The following PHF14 variants were observed in gnomAD, a reference collection of about 807,000 sequenced individuals.
PHF14 encodes the protein PHD finger protein 14.
Under a neutral mutation model 117.9 loss-of-function variants are expected in PHF14, and 55 were observed. The observed-to-expected ratio is 0.47, with a 90% confidence interval of 0.38 to 0.58. The LOEUF is 0.58. PHF14 is among the 20% of genes least tolerant of loss of function. PHF14 has a pLI of 0.00. For missense variants in PHF14, 978 were observed against 1,122.2 expected (o/e 0.87, Z 1.84); for synonymous variants, 409 against 368.6 (o/e 1.11, Z -1.26).
intron 7 of PHF14, among the ~76,000 whole-genome samples, chr7:11,035,431 C>A (rs17163915): frequency 0.026 from 4,004 of 151,908 alleles, 142 homozygotes; most frequent in East Asian, 0.1. Context: ...TAAAGAAAAA[C>A]GTTGTTGGTA....
chr7:11,136,878 TAAA>T (rs934723183), intron 17 of PHF14, among the ~76,000 whole-genome samples: 1 of 152,036 alleles, frequency 6.6e-6, no homozygotes, highest in Non-Finnish European at 1.5e-5. Context: ...TTTAATTACT[TAAA>T]AAAAATTATG....
chr7:11,104,470 T>C, intron 16 of PHF14: 2 of 979,042 alleles, frequency 2.0e-6, no homozygotes, highest in Non-Finnish European at 1.2e-6. Context: ...AGGAGAAAAT[T>C]GATGTGTGCT....
chr7:11,149,490 T>C (rs1248896271), intron 17 of PHF14, among the ~76,000 whole-genome samples: 1 of 152,154 alleles, frequency 6.6e-6, no homozygotes, highest in Non-Finnish European at 1.5e-5. Flanking sequence ...AGCTCTCAAA[T>C]CTTATGGCCC....
chr7:11,063,899 CTG>C (rs1312370127), intron 16 of PHF14, among the ~76,000 whole-genome samples: 6 of 151,760 alleles, frequency 4.0e-5, no homozygotes, highest in Non-Finnish European at 5.9e-5. Context: ...ATGCCAATGT[CTG>C]GAATTTTGTG....
intron 17 of PHF14, among the ~76,000 whole-genome samples, chr7:11,119,697 A>C (rs1787694855): frequency 6.6e-6 from 1 of 151,892 alleles, no homozygotes; most frequent in Non-Finnish European, 1.5e-5. Context: ...AATTTTATAA[A>C]ATATTTGTTA....
At chr7:11,145,827 C>G (rs1020972041) in intron 17 of PHF14, among the ~76,000 whole-genome samples, 3 of 151,894 alleles carry the variant, frequency 2.0e-5, no homozygotes, top group Admixed American at 6.6e-5. Flanking sequence ...TAATTTTTTG[C>G]TCTTTTACTT....
Position 11,111,638 on chromosome 7 carries a change from A to G in PHF14, c.2772+171A>G, listed in dbSNP as rs1342264211. Among the ~76,000 whole-genome samples the G allele has an allele frequency of 2.0e-5, 3 of 152,248 alleles. No homozygotes were observed. In the East Asian group the frequency reaches 5.8e-4, roughly 29 times the overall value. The stretch of plus-strand genomic sequence containing the variant: ...TTATTTTCTTGCTCTTAAATTAAGG[A>G]AAAAACAACTCTACTAAATTATGTG... On this transcript the variant is annotated intron_variant, in intron 17 of 17. Coordinates refer to ENST00000634607, the MANE Select transcript of PHF14 (RefSeq NM_001007157.2).
intron 3 of PHF14, among the ~76,000 whole-genome samples, chr7:10,990,303 T>G (rs1782405286): frequency 6.6e-6 from 1 of 152,248 alleles, no homozygotes; most frequent in African/African-American, 2.4e-5. Flanking sequence ...AAGAATCATG[T>G]CTTGTGCTTT....
At chr7:11,007,564 A>G (rs1783167176) in intron 4 of PHF14, among the ~76,000 whole-genome samples, 1 of 152,210 alleles carries the variant, frequency 6.6e-6, no homozygotes, top group African/African-American at 2.4e-5. Context: ...GGTTGCTTAC[A>G]GTGACAGACT....
intron 14 of PHF14, among the ~76,000 whole-genome samples, chr7:11,059,977 C>T (rs1320286178): frequency 6.6e-6 from 1 of 152,118 alleles, no homozygotes; most frequent in Non-Finnish European, 1.5e-5. Context: ...CTCAAGTTAT[C>T]TTCCCACCAC....
At position 11,037,102 on chromosome 7, in the gene PHF14, T is replaced by C; in HGVS notation, c.1980+11T>C. 4 of 1,474,766 alleles carry C rather than the reference T, an allele frequency of 2.7e-6. No individual in the cohort carries two copies. Among genetic ancestry groups the C allele is most frequent in the Non-Finnish European group, 3.7e-6 (4 of 1,093,052 alleles). 91.4% of individuals were successfully genotyped at this position (1,474,766 alleles called of 1,614,324 possible). A position where few individuals can be genotyped will look rare whatever the true frequency, so the allele number is the denominator to read the frequency against. ...GTAGAATATAATAAGGTAAGTTAGC[T>C]ACAAAATATGCAACATAATGTGATA... On this transcript the variant is annotated intron_variant, in intron 10 of 17. Transcript: ENST00000634607.
rs538720513 is a variant in PHF14, at chr7:11,065,472, C to A, written c.2654+3387C>A. ...TAAGTAATGACTGAGTATTCTTTTG[C>A]TGAATTAATAAAAACTGTCACTATT... On this transcript the variant is annotated intron_variant, in intron 16 of 17. Coordinates refer to ENST00000634607, the MANE Select transcript of PHF14 (RefSeq NM_001007157.2). Among the ~76,000 whole-genome samples, 8 of 152,080 alleles carry A rather than the reference C, an allele frequency of 5.3e-5. 1 individual carries two copies. The highest frequency in any genetic ancestry group is 1.7e-4 in the African/African-American group (7 of 41,510).
intron 16 of PHF14, among the ~76,000 whole-genome samples, chr7:11,090,538 T>C (rs368585732): frequency 6.6e-6 from 1 of 152,220 alleles, no homozygotes; most frequent in Non-Finnish European, 1.5e-5. Flanking sequence ...TCTGTAAATG[T>C]AGATCTTTTT....
chr7:11,165,462 C>T (rs1033626582), intron 17 of PHF14, among the ~76,000 whole-genome samples: 2 of 152,068 alleles, frequency 1.3e-5, no homozygotes, highest in African/African-American at 4.8e-5. Context: ...ACATCAACAT[C>T]TATAAAGATA....
intron 16 of PHF14, among the ~76,000 whole-genome samples, chr7:11,076,032 G>T (rs999492501): frequency 1.3e-5 from 2 of 152,122 alleles, no homozygotes; most frequent in African/African-American, 4.8e-5. Context: ...CCAGCTACTC[G>T]GGAGGCTGAG....
chr7:11,013,663 CTT>C (rs1186779153), intron 4 of PHF14, 82 bp from the exon 5 acceptor site: 8 of 673,136 alleles, frequency 1.2e-5, no homozygotes, highest in African/African-American at 3.6e-5. Flanking sequence ...TTCCTCATCT[CTT>C]TGCTATTCTT....
intron 17 of PHF14, among the ~76,000 whole-genome samples, chr7:11,133,233 C>T (rs1232354307): frequency 6.6e-6 from 1 of 151,666 alleles, no homozygotes; most frequent in African/African-American, 2.4e-5. Context: ...AGGTAGAAAA[C>T]CCAGAATAGC....
At chr7:11,060,349 T>G (rs1431935024) in intron 14 of PHF14, among the ~76,000 whole-genome samples, 1 of 152,136 alleles carries the variant, frequency 6.6e-6, no homozygotes, top group Non-Finnish European at 1.5e-5. Context: ...CTTACCAAAT[T>G]GGGAATGAAT....
intron 17 of PHF14, among the ~76,000 whole-genome samples, chr7:11,166,661 A>G (rs1356787247): frequency 1.3e-5 from 2 of 152,164 alleles, no homozygotes; most frequent in East Asian, 3.8e-4. Flanking sequence ...CAATTTTAAT[A>G]TTATACTCTA....
Sources: allele counts gnomAD v4.1 joint callset (sites outside exome capture counted in the v4.1 genomes callset), GRCh38; gene constraint gnomAD v4.1.1; transcripts MANE v1.5; gene names NCBI Gene and HGNC (gene_info 2026-07-23, HGNC 2026-07-21).